DPY19L3: variants seen among roughly 807,000 people sequenced by gnomAD.
The protein encoded by DPY19L3 is dpy-19 like C-mannosyltransferase 3, also known as protein C-mannosyl-transferase DPY19L3.
Under a neutral mutation model 92.3 loss-of-function variants are expected in DPY19L3, and 51 were observed. The observed-to-expected ratio is 0.55, with a 90% confidence interval of 0.44 to 0.70. The LOEUF is 0.70. Among genes scored for constraint, DPY19L3 ranks in the 30% least tolerant of loss-of-function variants. DPY19L3 has a pLI of 0.00. For missense variants in DPY19L3, 706 were observed against 855.9 expected (o/e 0.82, Z 2.18); for synonymous variants, 309 against 315.2 (o/e 0.98, Z 0.21).
intron 7 of DPY19L3, 148 bp from the exon 8 acceptor site, chr19:32,439,628 T>C: frequency 1.3e-6 from 1 of 756,678 alleles, no homozygotes; most frequent in Non-Finnish European, 2.1e-6. Flanking sequence ...AGTTAGAGCT[T>C]AAATAACAAA....
chr19:32,483,774 A>G lies in DPY19L3; in HGVS notation c.*1534A>G, dbSNP rs553280588. ...AATTATATCTTTTCTGTATCCCTTA[A>G]TAAGATTGGAGACCACTGCCGTTTA... On this transcript the variant is annotated 3_prime_UTR_variant, in exon 19 of 19. Transcript: ENST00000392250. 1 of 152,550 alleles carries G rather than the reference A, an allele frequency of 6.6e-6. No homozygotes were observed. Among genetic ancestry groups the G allele is most frequent in the African/African-American group, 2.4e-5 (1 of 41,586 alleles). 9.4% of individuals were successfully genotyped at this position (152,550 alleles called of 1,614,324 possible).
chr19:32,432,865 A>G, intron 4 of DPY19L3, 59 bp downstream of exon 4: 2 of 1,474,822 alleles, frequency 1.4e-6, no homozygotes, highest in Admixed American at 3.4e-5. Flanking sequence ...TATTTTAGTG[A>G]GAAGTACTGT....
At chr19:32,442,281 G>A (rs1280939172) in intron 8 of DPY19L3, among the ~76,000 whole-genome samples, 3 of 152,156 alleles carry the variant, frequency 2.0e-5, no homozygotes, top group Non-Finnish European at 4.4e-5. Context: ...TGTGAACAGA[G>A]TAAAACAGAA....
chr19:32,436,581 T>TA lies in DPY19L3; in HGVS notation c.450+15dup, dbSNP rs1969147007. ...CTACCCATACAGGTATGTTTTGTGATATTGAATTATTAATATCAGATGAAA... is the reference window on the plus strand; with the variant it reads ...CTACCCATACAGGTATGTTTTGTGATAATTGAATTATTAATATCAGATGAAA... On this transcript the variant is annotated intron_variant, in intron 5 of 18. Coordinates refer to ENST00000392250, the MANE Select transcript of DPY19L3 (RefSeq NM_001172774.2). 6.8e-7 allele frequency: 1 copy of TA among 1,460,618 alleles called. No individual in the cohort carries two copies. The highest frequency in any genetic ancestry group is 9.1e-7 in the Non-Finnish European group (1 of 1,094,074). The allele number at this position is 1,460,618 out of a possible 1,614,324, so 90.5% of individuals were successfully genotyped here.
chr19:32,446,275 A>G (rs887757498), intron 8 of DPY19L3, among the ~76,000 whole-genome samples: 5 of 152,182 alleles, frequency 3.3e-5, no homozygotes, highest in Non-Finnish European at 5.9e-5. Context: ...ATAAAAATGA[A>G]ATTGTAAAAA....
intron 16 of DPY19L3, among the ~76,000 whole-genome samples, chr19:32,474,437 G>T (rs1390127809): frequency 6.6e-6 from 1 of 152,234 alleles, no homozygotes; most frequent in African/African-American, 2.4e-5. Context: ...AGCTCTTAGA[G>T]CCTGCTGAGG....
chr19:32,478,116 A>T (rs1222092630), intron 17 of DPY19L3, among the ~76,000 whole-genome samples: 3 of 152,192 alleles, frequency 2.0e-5, no homozygotes, highest in Non-Finnish European at 2.9e-5. Context: ...GACACAGCCA[A>T]ACCATATCAG....
intron 3 of DPY19L3, among the ~76,000 whole-genome samples, chr19:32,416,752 G>A (rs117987918): frequency 0.011 from 1,686 of 152,312 alleles, 21 homozygotes; most frequent in Middle Eastern, 0.034. Context: ...ACACTATGTG[G>A]AGCCAACCAA....
In DPY19L3 at chr19:32,483,351, A is replaced by T. The variant is rs1970725048; in HGVS notation, c.*1111A>T. 2 of 152,646 alleles carry T rather than the reference A, an allele frequency of 1.3e-5. No homozygotes were observed. The highest frequency in any genetic ancestry group is 4.8e-5 in the African/African-American group (2 of 41,458). 9.5% of individuals were successfully genotyped at this position (152,646 alleles called of 1,614,324 possible). On this transcript the variant is annotated 3_prime_UTR_variant, in exon 19 of 19. Transcript: ENST00000392250. ...TAAGTCATGCTTATTTGTAAACAAC[A>T]AAGAAGAGTATATGTACCTGCTCAA... is the stretch of plus-strand genomic sequence containing the variant.
chr19:32,436,189 CTTGTGG>C (rs1187692020), intron 4 of DPY19L3, among the ~76,000 whole-genome samples: 1 of 152,088 alleles, frequency 6.6e-6, no homozygotes, highest in Admixed American at 6.5e-5. Flanking sequence ...AGAGAAGGAC[CTTGTGG>C]TGGTGGTGGT....
chr19:32,478,173 A>G (rs1970568770), intron 17 of DPY19L3, among the ~76,000 whole-genome samples: 1 of 152,180 alleles, frequency 6.6e-6, no homozygotes, highest in African/African-American at 2.4e-5. Context: ...CTCCTGGTCC[A>G]GGACCTCTGC....
At chr19:32,409,517 G>T (rs1287415724) in intron 2 of DPY19L3, among the ~76,000 whole-genome samples, 1 of 152,156 alleles carries the variant, frequency 6.6e-6, no homozygotes, top group Non-Finnish European at 1.5e-5. Context: ...TTTCCTTGGG[G>T]CATGTCTTAG....
At chr19:32,422,243 G>A (rs1278133472) in intron 3 of DPY19L3, among the ~76,000 whole-genome samples, 4 of 152,270 alleles carry the variant, frequency 2.6e-5, no homozygotes, top group East Asian at 1.9e-4. Flanking sequence ...GTAACCACAC[G>A]TGTCACATTA....
chr19:32,455,621 T>G (rs1447804729), intron 10 of DPY19L3, among the ~76,000 whole-genome samples: 1 of 152,164 alleles, frequency 6.6e-6, no homozygotes, highest in Admixed American at 6.5e-5. Flanking sequence ...GGCCTTACTA[T>G]CTACTTTCTG....
intron 8 of DPY19L3, among the ~76,000 whole-genome samples, chr19:32,446,956 C>G (rs375189978): frequency 6.6e-6 from 1 of 151,882 alleles, no homozygotes; most frequent in African/African-American, 2.4e-5. Context: ...GACTATCTCC[C>G]GAGCCATAAA....
At chr19:32,455,968 T>C (rs558525381) in intron 10 of DPY19L3, among the ~76,000 whole-genome samples, 1 of 152,232 alleles carries the variant, frequency 6.6e-6, no homozygotes, top group South Asian at 2.1e-4. Flanking sequence ...ATAGGAGGCA[T>C]CTGCAAAACA....
intron 8 of DPY19L3, among the ~76,000 whole-genome samples, chr19:32,444,717 A>T (rs562133130): frequency 1.3e-5 from 2 of 152,258 alleles, no homozygotes; most frequent in Admixed American, 1.3e-4. Flanking sequence ...AATTTTAAAA[A>T]ATTGAAAGTA....
At chr19:32,460,872 G>GTTTTGTTTTGTTTT (rs1360012175) in intron 12 of DPY19L3, among the ~76,000 whole-genome samples, 2 of 151,922 alleles carry the variant, frequency 1.3e-5, no homozygotes, top group African/African-American at 4.8e-5. Context: ...GTTTTGTTTT[G>GTTTTGTTTTGTTTT]TTTTGTTTTG....
intron 3 of DPY19L3, among the ~76,000 whole-genome samples, chr19:32,430,743 A>T (rs549507897): frequency 1.4e-5 from 2 of 146,432 alleles, no homozygotes; most frequent in African/African-American, 5.1e-5. Context: ...CCCTTCCTCA[A>T]CCTCCCCAGT....
Sources: gnomAD v4.1 joint callset for allele counts (sites outside exome capture counted in the v4.1 genomes callset) on GRCh38, gnomAD v4.1.1 for gene constraint, MANE v1.5 for transcripts, NCBI Gene and HGNC (gene_info 2026-07-23, HGNC 2026-07-21) for gene names.